Variants in AGGF1 observed in about 807,000 individuals in gnomAD.
AGGF1 encodes the protein angiogenic factor with G patch and FHA domains 1.
Under a neutral mutation model 86.5 loss-of-function variants are expected in AGGF1, and 56 were observed. The observed-to-expected ratio is 0.65, with a 90% CI of 0.52 to 0.81. The LOEUF (loss-of-function observed/expected upper bound fraction) is 0.81, where lower values mean the gene tolerates loss of function less well. Ranked by LOEUF, AGGF1 falls within the 30% of genes least tolerant of loss-of-function variation. The pLI is 0.00. For missense variants in AGGF1, 816 were observed against 850.9 expected, an observed-to-expected ratio of 0.96 and a Z score of 0.51; for synonymous variants, 313 against 297.1, an observed-to-expected ratio of 1.05 and a Z score of -0.55.
intron 4 of AGGF1, among the ~76,000 whole-genome samples, chr5:77,037,719 T>G (rs1282871608): frequency 6.6e-6 from 1 of 152,154 alleles, no homozygotes; most frequent in Non-Finnish European, 1.5e-5. Flanking sequence ...GAGGCTGCAG[T>G]GAGCCATGAT....
rs889062821 is a variant in AGGF1 at position 77,059,780 on chromosome 5, G to A, written c.1844+37G>A. 2.5e-6 allele frequency: 4 copies of A among 1,610,976 alleles called. No individual in the cohort carries two copies. The Admixed American group carries it at 6.7e-5, about 27-fold the overall frequency. On this transcript the variant is annotated intron_variant, in intron 12 of 13. Coordinates refer to ENST00000312916, the MANE Select transcript of AGGF1 (RefSeq NM_018046.5). ...ATTACAGTGGCTCGAAACATCCTTT[G>A]TTCATAATAACATTCATAGGGTGGT...
intron 7 of AGGF1, 66 bp downstream of exon 7, chr5:77,048,338 T>C (rs1747307709): frequency 1.5e-6 from 2 of 1,316,078 alleles, no homozygotes; most frequent in Non-Finnish European, 2.2e-6. Context: ...TAAGAGCATG[T>C]ATTTTTGTTT....
rs1746952124 is a variant in AGGF1 at position 77,035,597 on chromosome 5, C to T, written c.370C>T (p.Leu124=). The T allele has an allele frequency of 6.2e-7, 1 of 1,613,390 alleles. No homozygotes were observed. The highest frequency in any genetic ancestry group is 1.1e-5 in the South Asian group (1 of 91,056). Residue 124 remains leucine (L), a synonymous_variant, in exon 3 of 14, where the codon CTG becomes TTG. Coordinates refer to ENST00000312916, the MANE Select transcript of AGGF1 (RefSeq NM_018046.5). ...TAGTCTTCCAAATAAAGTGACTGAA[C>T]TGTCAGATCAACAAGATCAAGCTAT... ...DVSLPNKVTE[L]SDQQDQAIET...
intron 8 of AGGF1, 75 bp downstream of exon 8, chr5:77,049,062 G>C: frequency 6.9e-7 from 1 of 1,454,232 alleles, no homozygotes; most frequent in Non-Finnish European, 9.6e-7. Context: ...GAAAGCTTAG[G>C]GATTTTTCTC....
In AGGF1 at chr5:77,043,706, G is replaced by A. The variant is rs1488424474; in HGVS notation, c.871-2641G>A. Among the ~76,000 whole-genome samples the A allele has an allele frequency of 3.0e-3, 423 of 139,522 alleles. 4 individuals are homozygous for A. Among genetic ancestry groups the A allele is most frequent in the African/African-American group, 0.01 (400 of 38,312 alleles). 91.5% of individuals were successfully genotyped at this position (139,522 alleles called of 152,430 possible). A position where few individuals can be genotyped will look rare whatever the true frequency, so the allele number is the denominator to read the frequency against. ...TCCCCCCCACCTCCCTCCCGGACGG[G>A]GTGGCTGCCGGGCGGAGACGCTCCT... On this transcript the variant is annotated intron_variant, in intron 5 of 13. Transcript: ENST00000312916.
chr5:77,059,790 A>G, intron 12 of AGGF1, 47 bp downstream of exon 12: 1 of 1,608,630 alleles, frequency 6.2e-7, no homozygotes, highest in Non-Finnish European at 8.5e-7. Context: ...GTTCATAATA[A>G]CATTCATAGG....
At chr5:77,040,651 A>T (rs4354017) in intron 5 of AGGF1, among the ~76,000 whole-genome samples, 87,534 of 152,058 alleles carry the variant, frequency 0.58, 25,626 homozygotes, top group Non-Finnish European at 0.61. Flanking sequence ...TAAAAAGTTA[A>T]CAGTGTTCTT....
chr5:77,059,475 A>C, intron 11 of AGGF1, 141 bp from the exon 12 acceptor site: 1 of 791,402 alleles, frequency 1.3e-6, no homozygotes, highest in East Asian at 3.0e-5. Context: ...AGCCACCTGT[A>C]ATTTCTTCAT....
At position 77,064,338 on chromosome 5, in the gene AGGF1, G is replaced by T. The variant is rs1246239687; in HGVS notation, c.*1086G>T. On this transcript the variant is annotated 3_prime_UTR_variant, in exon 14 of 14. Transcript: ENST00000312916. ...TAACACTGGAACTGACCCTTTTCTG[G>T]CAGTGAATGTAAGCTCTAGCTCCCC... is the stretch of plus-strand genomic sequence containing the variant. 1 of 152,118 alleles carries T rather than the reference G, an allele frequency of 6.6e-6. No homozygotes were observed. The highest frequency in any genetic ancestry group is 6.5e-5 in the Admixed American group (1 of 15,270). 9.4% of individuals were successfully genotyped at this position (152,118 alleles called of 1,614,324 possible).
rs201740740 is a variant in AGGF1, at chr5:77,034,503, C to G, written c.296C>G (p.Ala99Gly). ...GTAGAAGTACAAACAGAGAACCATG[C>G]TCCTTGGTCAATCTCAGGTATTTAG... ...SDVEVQTENH[A>G]PWSISDYFYQ... Residue 99 changes from alanine (A) to glycine (G), a missense_variant, in exon 2 of 14, where the codon GCT becomes GGT. Physicochemically the swap from Ala to Gly is moderately conservative, Grantham distance 60. Transcript: ENST00000312916. 5 of 1,610,896 alleles carry G rather than the reference C, an allele frequency of 3.1e-6. No individual in the cohort carries two copies. The highest frequency in any genetic ancestry group is 4.2e-6 in the Non-Finnish European group (5 of 1,177,162).
chr5:77,030,735 CCGCGG>C lies in AGGF1; in HGVS notation c.-29_-25del, dbSNP rs959027066. 4 of 1,548,496 alleles carry C rather than the reference CCGCGG, an allele frequency of 2.6e-6. No individual in the cohort carries two copies. In the African/African-American group the frequency reaches 5.4e-5, roughly 21 times the overall value. On this transcript the variant is annotated 5_prime_UTR_variant, in exon 1 of 14. Transcript: ENST00000312916. Reference sequence around the variant, plus strand: ...CCGTTTCGGCCTGAACGCAGCCCCTCCGCGGCGACGAGCAGTCTCGCGCCGGAGCT... The same window carrying C: ...CCGTTTCGGCCTGAACGCAGCCCCTCCGACGAGCAGTCTCGCGCCGGAGCT...
rs756562133 is a variant in AGGF1 at position 77,030,640 on chromosome 5, C to T, written c.-127C>T. ...TCAGGGCGTCATGGCCAGGGGCCACCGCGGCCAGCCGGGTGTGAGGCTGCC... is the reference window on the plus strand; with the variant it reads ...TCAGGGCGTCATGGCCAGGGGCCACTGCGGCCAGCCGGGTGTGAGGCTGCC... On this transcript the variant is annotated 5_prime_UTR_variant, in exon 1 of 14. Transcript: ENST00000312916. 3 of 1,117,950 alleles carry T rather than the reference C, an allele frequency of 2.7e-6. No individual in the cohort carries two copies. Among genetic ancestry groups the T allele is most frequent in the African/African-American group, 3.1e-5 (2 of 64,918 alleles). 69.3% of individuals were successfully genotyped at this position (1,117,950 alleles called of 1,614,324 possible).
intron 4 of AGGF1, among the ~76,000 whole-genome samples, chr5:77,037,048 A>G (rs985833458): frequency 6.6e-6 from 1 of 152,246 alleles, no homozygotes; most frequent in African/African-American, 2.4e-5. Flanking sequence ...AAGAAAGCAA[A>G]AAGCTGCATT....
At chr5:77,054,781 G>A (rs1420011290) in intron 10 of AGGF1, among the ~76,000 whole-genome samples, 1 of 152,004 alleles carries the variant, frequency 6.6e-6, no homozygotes, top group African/African-American at 2.4e-5. Context: ...CTTTTGACAG[G>A]TATGTATTGA....
intron 11 of AGGF1, among the ~76,000 whole-genome samples, chr5:77,056,546 C>T (rs1580135820): frequency 6.8e-6 from 1 of 146,558 alleles, no homozygotes; most frequent in African/African-American, 2.5e-5. Flanking sequence ...TCTTTTACAA[C>T]AAATGGTGGT....
At chr5:77,045,939 A>G (rs1397360846) in intron 5 of AGGF1, among the ~76,000 whole-genome samples, 2 of 152,220 alleles carry the variant, frequency 1.3e-5, no homozygotes, top group Non-Finnish European at 2.9e-5. Flanking sequence ...AAAATGTAAA[A>G]GTACAAATAT....
rs371000100 is a variant in AGGF1, at chr5:77,063,513, C to A, written c.*261C>A. 43 of 446,460 alleles carry A rather than the reference C, an allele frequency of 9.6e-5. No individual in the cohort carries two copies. The highest frequency in any genetic ancestry group is 7.2e-4 in the African/African-American group (36 of 50,330). 27.7% of individuals were successfully genotyped at this position (446,460 alleles called of 1,614,324 possible). On this transcript the variant is annotated 3_prime_UTR_variant, in exon 14 of 14. Coordinates refer to ENST00000312916, the MANE Select transcript of AGGF1 (RefSeq NM_018046.5). ...ATCAAACTTCGTTATTTTATCTTGT[C>A]ATTTACAACATCCATATAAGCAACT...
chr5:77,031,590 C>T (rs1746855019), intron 1 of AGGF1, among the ~76,000 whole-genome samples: 1 of 152,170 alleles, frequency 6.6e-6, no homozygotes, highest in South Asian at 2.1e-4. Flanking sequence ...AATACTTAAA[C>T]TGTCACATTA....
intron 8 of AGGF1, among the ~76,000 whole-genome samples, chr5:77,050,055 T>G (rs1047313747): frequency 4.6e-5 from 7 of 152,262 alleles, no homozygotes; most frequent in Admixed American, 2.6e-4. Flanking sequence ...TTTCTCATTT[T>G]TAATTTGAAA....
Sources: gnomAD v4.1 joint callset for allele counts (sites outside exome capture counted in the v4.1 genomes callset) on GRCh38, gnomAD v4.1.1 for gene constraint, MANE v1.5 for transcripts, NCBI Gene and HGNC (gene_info 2026-07-23, HGNC 2026-07-21) for gene names.